Variants in UQCRC2 observed in about 807,000 individuals in gnomAD.
UQCRC2 encodes the protein ubiquinol-cytochrome c reductase core protein 2.
In UQCRC2, 49 loss-of-function variants were observed where a neutral mutation model predicts 55.6. The observed-to-expected ratio is 0.88, with a 90% CI of 0.70 to 1.12. The LOEUF (loss-of-function observed/expected upper bound fraction) is 1.12, where lower values mean the gene tolerates loss of function less well. Among genes scored for constraint, UQCRC2 ranks in the 50% most tolerant of loss-of-function variants. UQCRC2 has a pLI of 0.00. For synonymous variants in UQCRC2, 193 were observed against 192.0 expected (o/e 1.01, Z -0.04); for missense variants, 506 against 547.8 (o/e 0.92, Z 0.76).
intron 8 of UQCRC2, among the ~76,000 whole-genome samples, chr16:21,970,751 A>G (rs1011283879): frequency 6.6e-5 from 10 of 151,958 alleles, no homozygotes; most frequent in African/African-American, 1.9e-4. Context: ...ATTCCTGGCT[A>G]ATTTTTGTAA....
intron 8 of UQCRC2, 59 bp downstream of exon 8, chr16:21,968,744 T>G: frequency 1.4e-6 from 2 of 1,471,978 alleles, no homozygotes; most frequent in Non-Finnish European, 1.8e-6. Flanking sequence ...TTCCTTAAAC[T>G]GTAATTACGT....
At chr16:21,970,454 T>C (rs1382670044) in intron 8 of UQCRC2, among the ~76,000 whole-genome samples, 1 of 152,252 alleles carries the variant, frequency 6.6e-6, no homozygotes, top group Non-Finnish European at 1.5e-5. Context: ...CCAACACTTA[T>C]CGTCTGTCTT....
Position 21,976,221 on chromosome 16 carries a change from A to G in UQCRC2, c.1102A>G (p.Asn368Asp). ...VKTIAQGNLS[N>D]TDVQAAKNKL... ...AACAATAGCTCAAGGAAACCTTTCC[A>G]ACACAGATGTCCAAGCTGCCAAGTA... The change falls in exon 12 of 14, where the codon AAC (asparagine) becomes GAC (aspartate). Residue 368 changes from asparagine (N) to aspartate (D), a missense_variant. Transcript: ENST00000268379. The G allele has an allele frequency of 6.2e-7, 1 of 1,614,046 alleles. No homozygotes were observed. The highest frequency in any genetic ancestry group is 2.2e-5 in the East Asian group (1 of 44,886).
At chr16:21,969,309 G>A (rs1356198771) in intron 8 of UQCRC2, among the ~76,000 whole-genome samples, 1 of 152,070 alleles carries the variant, frequency 6.6e-6, no homozygotes, top group Non-Finnish European at 1.5e-5. Flanking sequence ...TGAGGCGGGC[G>A]GATCACCTGA....
chr16:21,958,507 C>G (rs201225543), intron 3 of UQCRC2, 28 bp from the exon 4 acceptor site: 1 of 1,607,112 alleles, frequency 6.2e-7, no homozygotes, highest in East Asian at 2.2e-5. Flanking sequence ...TGAAAAGCTA[C>G]AAAGATAATC....
intron 10 of UQCRC2, among the ~76,000 whole-genome samples, chr16:21,972,995 G>A (rs181082861): frequency 1.9e-3 from 291 of 152,334 alleles, no homozygotes; most frequent in Middle Eastern, 6.8e-3. Flanking sequence ...AGCTACTTGG[G>A]AGGCTGAGGC....
At chr16:21,954,317 T>C (rs573557293) in intron 1 of UQCRC2, among the ~76,000 whole-genome samples, 9 of 152,292 alleles carry the variant, frequency 5.9e-5, no homozygotes, top group South Asian at 2.1e-4. Context: ...GTGCCAGTAG[T>C]AGTACCTGTG....
At chr16:21,966,628 A>T (rs1483542628) in intron 7 of UQCRC2, among the ~76,000 whole-genome samples, 1 of 152,232 alleles carries the variant, frequency 6.6e-6, no homozygotes, top group Non-Finnish European at 1.5e-5. Flanking sequence ...CTTATCAATT[A>T]ACAGTTTGAT....
chr16:21,981,565 G>A (rs1898729259), intron 13 of UQCRC2, among the ~76,000 whole-genome samples: 1 of 151,980 alleles, frequency 6.6e-6, no homozygotes, highest in South Asian at 2.1e-4. Context: ...ACCAGACTGG[G>A]CAATGTAGCA....
At chr16:21,958,228 A>G (rs559696828) in intron 3 of UQCRC2, among the ~76,000 whole-genome samples, 1 of 152,308 alleles carries the variant, frequency 6.6e-6, no homozygotes, top group Admixed American at 6.5e-5. Context: ...ACAAATTTTT[A>G]ACAGGAAGTG....
chr16:21,980,710 T>G lies in UQCRC2; in HGVS notation c.1278+10T>G. ...TGCTGATATCATAAATGTAAGTAAA[T>G]GAAAACTTAACGATTTAACAACAGA... On this transcript the variant is annotated intron_variant, in intron 13 of 13. Coordinates refer to ENST00000268379, the MANE Select transcript of UQCRC2 (RefSeq NM_003366.4). The G allele has an allele frequency of 6.2e-7, 1 of 1,611,450 alleles. No individual in the cohort carries two copies. The highest frequency in any genetic ancestry group is 8.5e-7 in the Non-Finnish European group (1 of 1,179,182).
At chr16:21,957,069 A>C (rs1283917381) in intron 1 of UQCRC2, among the ~76,000 whole-genome samples, 166 bp from the exon 2 acceptor site, 2 of 128,622 alleles carry the variant, frequency 1.6e-5, no homozygotes, top group Non-Finnish European at 3.5e-5. Flanking sequence ...ACTCTGTCTC[A>C]AAAAAAAAAA....
In UQCRC2 at chr16:21,971,837, A is replaced by C. The variant is rs147182990; in HGVS notation, c.767-86A>C. 1.4e-3 allele frequency: 2,155 copies of C among 1,578,654 alleles called. 6 individuals are homozygous for C. The highest frequency in any genetic ancestry group is 4.2e-3 in the South Asian group (374 of 89,718). On this transcript the variant is annotated intron_variant, in intron 9 of 13. Transcript: ENST00000268379. ...AGCTGCAGAAAAGACTCGTGGGTTA[A>C]TACTGTGTTGTAGGAAATACTGGAG...
chr16:21,982,774 G>A (rs1000957209), intron 13 of UQCRC2, among the ~76,000 whole-genome samples: 1 of 152,084 alleles, frequency 6.6e-6, no homozygotes, highest in Non-Finnish European at 1.5e-5. Flanking sequence ...AGACCAGCCT[G>A]GCCAACATGG....
At chr16:21,963,089 A>G in intron 6 of UQCRC2, 2 of 466,594 alleles carry the variant, frequency 4.3e-6, no homozygotes, top group South Asian at 3.0e-5. Context: ...CCCGGGTTCA[A>G]GCAATTCTCC....
chr16:21,982,274 GCTC>G (rs1898750792), intron 13 of UQCRC2, among the ~76,000 whole-genome samples: 1 of 152,090 alleles, frequency 6.6e-6, no homozygotes, highest in Admixed American at 6.6e-5. Context: ...GGGGGCTGCT[GCTC>G]CACCTACACC....
intron 10 of UQCRC2, 136 bp from the exon 11 acceptor site, chr16:21,973,760 C>G: frequency 1.4e-6 from 1 of 715,554 alleles, no homozygotes; most frequent in Non-Finnish European, 2.3e-6. Flanking sequence ...CAGTTCGTGA[C>G]AGAACTGGCT....
At chr16:21,960,662 A>G (rs996215408) in intron 4 of UQCRC2, among the ~76,000 whole-genome samples, 4 of 152,178 alleles carry the variant, frequency 2.6e-5, no homozygotes, top group Non-Finnish European at 4.4e-5. Flanking sequence ...AGTGAGAGAC[A>G]TGAGACTCTT....
intron 10 of UQCRC2, among the ~76,000 whole-genome samples, chr16:21,973,136 A>G (rs1173690016): frequency 6.6e-6 from 1 of 152,134 alleles, no homozygotes; most frequent in Non-Finnish European, 1.5e-5. Context: ...AAGAAATTGA[A>G]GTGCCTTCTT....
Sources: gnomAD v4.1 joint callset for allele counts (sites outside exome capture counted in the v4.1 genomes callset) on GRCh38, gnomAD v4.1.1 for gene constraint, MANE v1.5 for transcripts, NCBI Gene and HGNC (gene_info 2026-07-23, HGNC 2026-07-21) for gene names.